PPP1R7: variants seen among roughly 807,000 people sequenced by gnomAD.
PPP1R7 encodes the protein protein phosphatase 1 regulatory subunit 22.
A neutral mutation model predicts 45.2 loss-of-function variants in PPP1R7; 18 were observed. That is an observed-to-expected ratio of 0.40 (90% CI 0.28 to 0.59). PPP1R7 has a LOEUF of 0.59. Ranked by LOEUF, PPP1R7 falls within the 20% of genes least tolerant of loss-of-function variation. PPP1R7 has a pLI of 0.46. For synonymous variants in PPP1R7, 181 were observed against 183.4 expected (o/e 0.99, Z 0.11); for missense variants, 314 against 455.8 (o/e 0.69, Z 2.83).
At chr2:241,151,071 A>G (rs916833449) in intron 1 of PPP1R7, among the ~76,000 whole-genome samples, 7 of 152,258 alleles carry the variant, frequency 4.6e-5, no homozygotes, top group African/African-American at 7.2e-5. Context: ...ATAGTTCCAA[A>G]AAGTCTGAAT....
chr2:241,183,210 G>A lies in PPP1R7; in HGVS notation c.*387G>A. ...CGTGCTGTCCGAGTGGCATTCGGGG[G>A]CTGGCCTAGCTGGCCCTAGTCCTGG... On this transcript the variant is annotated 3_prime_UTR_variant, in exon 10 of 10. Transcript: ENST00000234038. The A allele has an allele frequency of 2.7e-6, 1 of 377,334 alleles. No homozygotes were observed. The highest frequency in any genetic ancestry group is 2.1e-5 in the South Asian group (1 of 48,040). 23.4% of individuals were successfully genotyped at this position (377,334 alleles called of 1,614,324 possible).
At chr2:241,166,003 C>T (rs1264346761) in intron 7 of PPP1R7, among the ~76,000 whole-genome samples, 3 of 151,536 alleles carry the variant, frequency 2.0e-5, no homozygotes, top group Admixed American at 6.6e-5. Context: ...CCCGGGTTCA[C>T]GCCGTTCTCC....
Position 241,150,516 on chromosome 2 carries a change from G to T in PPP1R7, c.21G>T (p.Ala7=). 2 of 1,599,098 alleles carry T rather than the reference G, an allele frequency of 1.3e-6. No homozygotes were observed. Among genetic ancestry groups the T allele is most frequent in the Non-Finnish European group, 1.7e-6 (2 of 1,174,090 alleles). ...CCAACATGGCGGCGGAACGCGGCGC[G>T]GGGCAGCAACAGTCGCAGGAGATGA... The part of the protein sequence containing the change: MAAERG[A]GQQQSQEMME... Residue 7 remains alanine, a synonymous_variant, in exon 1 of 10, where the codon GCG becomes GCT. Transcript: ENST00000234038.
In PPP1R7 at chr2:241,150,556, C is replaced by T. The variant is rs370338204; in HGVS notation, c.52+9C>T. 7.6e-6 allele frequency: 12 copies of T among 1,588,568 alleles called. No homozygotes were observed. Among genetic ancestry groups the T allele is most frequent in the African/African-American group, 6.9e-5 (5 of 72,308 alleles). On this transcript the variant is annotated intron_variant, in intron 1 of 9. Transcript: ENST00000234038. ...GCAGGAGATGATGGAGGGTGAGCGG[C>T]CCCTGCGGGCGGCGGCCCAAGGGCC... is the stretch of plus-strand genomic sequence containing the variant.
At chr2:241,158,339 C>T (rs2067507219) in intron 3 of PPP1R7, 145 bp from the exon 4 acceptor site, 1 of 713,748 alleles carries the variant, frequency 1.4e-6, no homozygotes, top group African/African-American at 1.8e-5. Context: ...CCCCGCAGCA[C>T]ACCTTGTCAC....
rs1245497694 is a variant in PPP1R7, at chr2:241,158,539, A to G, written c.293A>G (p.Lys98Arg). Residue 98 changes from lysine (K) to arginine (R), a missense_variant, in exon 4 of 10, where the codon AAG becomes AGG. Coordinates refer to ENST00000234038, the MANE Select transcript of PPP1R7 (RefSeq NM_002712.3). Reference sequence around the variant, plus strand: ...AAGATTGAAGGATTTGAGGTACTGAAGAAAGTGAAGGTGAGAGGGACTCTT... The same window carrying G: ...AAGATTGAAGGATTTGAGGTACTGAGGAAAGTGAAGGTGAGAGGGACTCTT... ...IGKIEGFEVLKKVKTLCLRQN... is the reference protein window; with the variant it reads ...IGKIEGFEVLRKVKTLCLRQN... The G allele has an allele frequency of 1.2e-6, 2 of 1,613,564 alleles. No individual in the cohort carries two copies. Among genetic ancestry groups the G allele is most frequent in the Non-Finnish European group, 1.7e-6 (2 of 1,179,538 alleles).
At chr2:241,151,439 G>C in intron 1 of PPP1R7, 1 of 471,030 alleles carries the variant, frequency 2.1e-6, no homozygotes, top group Non-Finnish European at 4.4e-6. Flanking sequence ...AGCTGCAGAA[G>C]CAGGGCGAGC....
In PPP1R7 at chr2:241,157,856, T is replaced by G; in HGVS notation, c.231T>G (p.Asp77Glu). Residue 77 changes from aspartate (D) to glutamate (E), a missense_variant, in exon 3 of 10, where the codon GAT becomes GAG. Physicochemically the swap from Asp to Glu is conservative, Grantham distance 45. Coordinates refer to ENST00000234038, the MANE Select transcript of PPP1R7 (RefSeq NM_002712.3). Reference protein sequence around the residue: ...VDMETINLDRDAEDVDLNHYR... With the variant: ...VDMETINLDREAEDVDLNHYR... ...TGGAAACCATCAACCTGGACAGAGA[T>G]GCAGAGGTAATGCCGCCTGCTCAGC... 6.2e-7 allele frequency: 1 copy of G among 1,614,050 alleles called. No individual in the cohort carries two copies. The highest frequency in any genetic ancestry group is 1.1e-5 in the South Asian group (1 of 91,076).
At chr2:241,151,564 A>C (rs1462303774) in intron 1 of PPP1R7, 1 of 471,030 alleles carries the variant, frequency 2.1e-6, no homozygotes, top group Non-Finnish European at 4.4e-6. Context: ...TGTGGAGGAG[A>C]GTTTGACCAA....
At chr2:241,151,987 C>T (rs1178216646) in intron 1 of PPP1R7, among the ~76,000 whole-genome samples, 1 of 152,214 alleles carries the variant, frequency 6.6e-6, no homozygotes, top group Non-Finnish European at 1.5e-5. Flanking sequence ...CTTTGGCCAA[C>T]CTTCGTTAGC....
chr2:241,163,732 T>C lies in PPP1R7; in HGVS notation c.714+331T>C, dbSNP rs1290160926. Among the ~76,000 whole-genome samples, 5 of 152,042 alleles carry C rather than the reference T, an allele frequency of 3.3e-5. No individual in the cohort carries two copies. The East Asian group carries it at 9.7e-4, about 29-fold the overall frequency. ...CAGCTTCCCACCTCAGCCTACCAAGTCGGTAGGACTACAGGCATGCACCAC... is the reference window on the plus strand; with the variant it reads ...CAGCTTCCCACCTCAGCCTACCAAGCCGGTAGGACTACAGGCATGCACCAC... On this transcript the variant is annotated intron_variant, in intron 7 of 9. Coordinates refer to ENST00000234038, the MANE Select transcript of PPP1R7 (RefSeq NM_002712.3).
At chr2:241,177,667 C>T (rs918137995) in intron 9 of PPP1R7, among the ~76,000 whole-genome samples, 2 of 152,204 alleles carry the variant, frequency 1.3e-5, no homozygotes, top group Admixed American at 1.3e-4. Flanking sequence ...ATGCATCCCG[C>T]CCCTGCCATA....
At chr2:241,157,077 A>T (rs2067476470) in intron 2 of PPP1R7, among the ~76,000 whole-genome samples, 1 of 152,202 alleles carries the variant, frequency 6.6e-6, no homozygotes, top group Non-Finnish European at 1.5e-5. Flanking sequence ...TCGCCTCAGC[A>T]GGGAGAGCAG....
chr2:241,150,297 A>AT (rs2125471247), upstream of PPP1R7: 1 of 1,318,786 alleles, frequency 7.6e-7, no homozygotes, highest in South Asian at 2.3e-5. Flanking sequence ...GCCGCCTGAA[A>AT]TTACCTGCTC....
chr2:241,164,757 AAGCTCTTAGGCC>A, intron 7 of PPP1R7, among the ~76,000 whole-genome samples: 1 of 152,102 alleles, frequency 6.6e-6, no homozygotes, highest in Non-Finnish European at 1.5e-5. Context: ...ATATAAAAAA[AAGCTCTTAGGCC>A]AGGCGTGGTG....
At chr2:241,170,873 C>A (rs2067802636) in intron 9 of PPP1R7, among the ~76,000 whole-genome samples, 1 of 152,138 alleles carries the variant, frequency 6.6e-6, no homozygotes, top group South Asian at 2.1e-4. Context: ...TAAAGATGTA[C>A]CAGGCCAGGG....
intron 8 of PPP1R7, among the ~76,000 whole-genome samples, chr2:241,169,388 T>C (rs1273503977): frequency 6.6e-6 from 1 of 152,264 alleles, no homozygotes; most frequent in Non-Finnish European, 1.5e-5. Flanking sequence ...TTCCTCGTGA[T>C]GAGCACTAAG....
chr2:241,171,105 T>A lies in PPP1R7; in HGVS notation c.906+1238T>A, dbSNP rs933280812. On this transcript the variant is annotated intron_variant, in intron 9 of 9. Transcript: ENST00000234038. ...TAGGGAGCAGGTTTGGGAAACGAGC[T>A]GATACTGAAGCAATGTTCCTGAAGC... Among the ~76,000 whole-genome samples the A allele has an allele frequency of 5.3e-5, 8 of 152,162 alleles. 1 individual carries two copies. The highest frequency in any genetic ancestry group is 5.2e-4 in the Admixed American group (8 of 15,288).
At chr2:241,168,522 T>A (rs2067760395) in intron 8 of PPP1R7, among the ~76,000 whole-genome samples, 1 of 152,242 alleles carries the variant, frequency 6.6e-6, no homozygotes, top group African/African-American at 2.4e-5. Context: ...TCGCGTCTTC[T>A]GCAACATTTT....
Sources: allele counts gnomAD v4.1 joint callset (sites outside exome capture counted in the v4.1 genomes callset), GRCh38; gene constraint gnomAD v4.1.1; transcripts MANE v1.5; gene names NCBI Gene and HGNC (gene_info 2026-07-23, HGNC 2026-07-21).